The following ABCC6 variants were observed in gnomAD, a reference collection of about 807,000 sequenced individuals.
The protein encoded by ABCC6 is ATP-binding cassette sub-family C member 6.
A neutral mutation model predicts 169.5 loss-of-function variants in ABCC6; 126 were observed. The ratio of observed to expected loss-of-function variants is 0.74; its 90% confidence interval spans 0.64 to 0.86. The LOEUF (loss-of-function observed/expected upper bound fraction) is 0.86. Among genes scored for constraint, ABCC6 ranks in the 40% least tolerant of loss-of-function variants. The pLI, the probability that ABCC6 is intolerant of heterozygous loss-of-function variation, is 0.00. For synonymous variants in ABCC6, 752 were observed against 814.7 expected (o/e 0.92, Z 1.31); for missense variants, 1,733 against 1,927.2 (o/e 0.90, Z 1.89).
At chr16:16,155,843 C>G (rs2046533506) in intron 27 of ABCC6, 1 of 152,270 alleles carries the variant, frequency 6.6e-6, no homozygotes. Context: ...TCCAGTGTGC[C>G]CATCATCCGG....
In ABCC6 at chr16:16,214,466, A is replaced by C. The variant is rs1280181027; in HGVS notation, c.475-17T>G. On this transcript the variant is annotated splice_polypyrimidine_tract_variant and intron_variant, in intron 4 of 30. Transcript: ENST00000205557. Reference sequence around the variant, plus strand: ...CTGGAAGCCCTGTGGGAGGGAAAGCAGAAGATAAGGAATGGAGACAGAGGA... The same window carrying C: ...CTGGAAGCCCTGTGGGAGGGAAAGCCGAAGATAAGGAATGGAGACAGAGGA... 43 of 1,551,898 alleles carry C rather than the reference A, an allele frequency of 2.8e-5. No individual in the cohort carries two copies. The highest frequency in any genetic ancestry group is 3.7e-5 in the Non-Finnish European group (43 of 1,147,044).
At chr16:16,203,710 A>T in intron 7 of ABCC6, 97 bp from the exon 8 acceptor site, 1 of 1,356,436 alleles carries the variant, frequency 7.4e-7, no homozygotes, top group Non-Finnish European at 1.0e-6. Context: ...CCAACAGTGG[A>T]GATGGGTGGG....
chr16:16,194,582 T>A (rs908339679), intron 10 of ABCC6, among the ~76,000 whole-genome samples: 5 of 152,212 alleles, frequency 3.3e-5, no homozygotes, highest in Non-Finnish European at 5.9e-5. Context: ...CTGAGATTTC[T>A]GCACAGGTTA....
chr16:16,208,945 G>C, intron 6 of ABCC6, 86 bp from the exon 7 acceptor site: 3 of 1,610,718 alleles, frequency 1.9e-6, no homozygotes, highest in Non-Finnish European at 2.5e-6. Flanking sequence ...GTGACCCTGG[G>C]TAAGTCACTT....
Position 16,199,893 on chromosome 16 carries a change from C to G in ABCC6, c.1177-1711G>C, listed in dbSNP as rs1437546563. 2.0e-5 allele frequency among the ~76,000 whole-genome samples: 3 copies of G among 150,370 alleles called. No individual in the cohort carries two copies. The Admixed American group carries it at 2.0e-4, about 10-fold the overall frequency. ...GATCAGCCTGGCCAATATGGCAAAA[C>G]CCCATCTCTAGTAAAAATACAAAAA... On this transcript the variant is annotated intron_variant, in intron 9 of 30. Transcript: ENST00000205557.
intron 19 of ABCC6, 136 bp from the exon 20 acceptor site, chr16:16,176,122 T>C: frequency 1.3e-6 from 1 of 781,892 alleles, no homozygotes; most frequent in Non-Finnish European, 2.3e-6. Context: ...GCAACCTCTC[T>C]CAACACCCCA....
At chr16:16,173,447 A>C (rs766607182) in intron 20 of ABCC6, 43 bp from the exon 21 acceptor site, 3 of 1,613,656 alleles carry the variant, frequency 1.9e-6, no homozygotes, top group African/African-American at 1.3e-5. Flanking sequence ...TATCTCTCCC[A>C]ATGGTGGGGT....
chr16:16,191,472 G>C (rs1304396083), intron 11 of ABCC6, among the ~76,000 whole-genome samples: 1 of 152,138 alleles, frequency 6.6e-6, no homozygotes, highest in Admixed American at 6.5e-5. Flanking sequence ...AGTCCACGCA[G>C]GAGGCTGAAG....
At chr16:16,205,790 G>A (rs1037864267) in intron 7 of ABCC6, among the ~76,000 whole-genome samples, 2 of 152,166 alleles carry the variant, frequency 1.3e-5, no homozygotes, top group African/African-American at 4.8e-5. Flanking sequence ...GATGTCCCTA[G>A]TATAGAGTCC....
intron 14 of ABCC6, among the ~76,000 whole-genome samples, chr16:16,186,169 G>A (rs1033244297): frequency 1.3e-5 from 2 of 152,128 alleles, no homozygotes; most frequent in African/African-American, 4.8e-5. Context: ...AAGGGGGAGG[G>A]TGTCTTGGCC....
At chr16:16,167,372 T>C (rs1487806360) in intron 22 of ABCC6, among the ~76,000 whole-genome samples, 3 of 152,216 alleles carry the variant, frequency 2.0e-5, no homozygotes, top group African/African-American at 7.2e-5. Context: ...ATTTCTTGTT[T>C]GGACCCCTAC....
In ABCC6 at chr16:16,221,749, G is replaced by A. The variant is rs757143605; in HGVS notation, c.119C>T (p.Pro40Leu). Residue 40 changes from proline to leucine, a missense_variant, in exon 2 of 31, where the codon CCC becomes CTC. Physicochemically the swap from Pro to Leu is moderately conservative, Grantham distance 98. Around this residue, in one of 5 missense-constraint regions of ABCC6, gnomAD observed 66 missense variants for 69.5 expected, o/e 0.95. Transcript: ENST00000205557. The stretch of plus-strand genomic sequence containing the variant: ...ACCAAGGACCCAGAGGTACATGGGG[G>A]GTACCCAGACCCCTGCTGTTCTCAG... ...CFLRTAGVWV[P>L]PMYLWVLGPI... is the part of the protein sequence containing the mutation. 14 of 1,613,694 alleles carry A rather than the reference G, an allele frequency of 8.7e-6. No homozygotes were observed. The highest frequency in any genetic ancestry group is 2.2e-5 in the South Asian group (2 of 91,050).
At chr16:16,190,466 C>A in intron 11 of ABCC6, 99 bp from the exon 12 acceptor site, 1 of 1,342,490 alleles carries the variant, frequency 7.4e-7, no homozygotes, top group Non-Finnish European at 1.0e-6. Flanking sequence ...TTCATCTCAC[C>A]AAACTGCGTC....
intron 27 of ABCC6, among the ~76,000 whole-genome samples, chr16:16,156,088 G>C (rs1359771567): frequency 6.6e-6 from 1 of 152,092 alleles, no homozygotes; most frequent in East Asian, 1.9e-4. Flanking sequence ...GCTAATTTTT[G>C]TATTTTTAGT....
At chr16:16,180,970 G>C (rs527383846) in intron 17 of ABCC6, among the ~76,000 whole-genome samples, 1 of 152,294 alleles carries the variant, frequency 6.6e-6, no homozygotes, top group South Asian at 2.1e-4. Context: ...AAGTAAGGCA[G>C]ACAGCACATC....
chr16:16,194,663 T>G (rs1260498796), intron 10 of ABCC6, among the ~76,000 whole-genome samples: 2 of 152,140 alleles, frequency 1.3e-5, no homozygotes, highest in African/African-American at 4.8e-5. Context: ...GTCTCAGTCC[T>G]TAGGAACACT....
intron 13 of ABCC6, among the ~76,000 whole-genome samples, chr16:16,187,593 A>T (rs1323417436): frequency 6.6e-6 from 1 of 152,212 alleles, no homozygotes; most frequent in East Asian, 1.9e-4. Flanking sequence ...GAAAGAGACC[A>T]GTCGTTAAAA....
chr16:16,190,412 G>C (rs72664296), intron 11 of ABCC6, 45 bp from the exon 12 acceptor site: 1 of 1,606,026 alleles, frequency 6.2e-7, no homozygotes. Context: ...GGACAGTTGA[G>C]AACTCTTCCC....
chr16:16,181,475 G>A (rs1403220386), intron 17 of ABCC6, among the ~76,000 whole-genome samples: 1 of 152,156 alleles, frequency 6.6e-6, no homozygotes, highest in African/African-American at 2.4e-5. Flanking sequence ...TAGAAGTGAG[G>A]GATGAGCCCT....
Sources: gnomAD v4.1 joint callset for allele counts (sites outside exome capture counted in the v4.1 genomes callset) on GRCh38, gnomAD v4.1.1 for gene constraint, gnomAD v4.1.1 regional missense constraint, MANE v1.5 for transcripts, NCBI Gene and HGNC (gene_info 2026-07-23, HGNC 2026-07-21) for gene names.